The following CFAP20DC variants were observed in gnomAD, a reference collection of about 807,000 sequenced individuals.
CFAP20DC encodes the protein CFAP20 domain containing, also known as protein CFAP20DC.
Under a neutral mutation model 101.7 loss-of-function variants are expected in CFAP20DC, and 84 were observed. That is an observed-to-expected ratio of 0.83 (90% CI 0.69 to 0.99). The LOEUF is 0.99. CFAP20DC is among the 50% of genes least tolerant of loss of function. The pLI is 0.00. For missense variants in CFAP20DC, 1,007 were observed against 970.3 expected, an observed-to-expected ratio of 1.04 and a Z score of -0.50; for synonymous variants, 359 against 351.2, an observed-to-expected ratio of 1.02 and a Z score of -0.25.
chr3:58,941,251 C>T (rs1029956806), intron 4 of CFAP20DC, among the ~76,000 whole-genome samples: 1 of 147,448 alleles, frequency 6.8e-6, no homozygotes, highest in African/African-American at 2.5e-5. Flanking sequence ...ATCGCTTGAA[C>T]CCGGGAGGTG....
At chr3:59,037,041 C>T (rs2094117117) in intron 4 of CFAP20DC, among the ~76,000 whole-genome samples, 1 of 152,166 alleles carries the variant, frequency 6.6e-6, no homozygotes, top group Non-Finnish European at 1.5e-5. Context: ...AAAGGATTCC[C>T]TATTTAATAA....
rs1035432621 is a variant in CFAP20DC, at chr3:58,855,908, C to T, written c.1594-6499G>A. Among the ~76,000 whole-genome samples the T allele has an allele frequency of 8.7e-5, 13 of 150,084 alleles. No homozygotes were observed. The East Asian group carries it at 9.9e-4, about 11-fold the overall frequency. ...CTAGATGATGAGTTAGTGGGTGCAG[C>T]GCACCAGCATGGCACATGTATACAT... is the stretch of plus-strand genomic sequence containing the variant. On this transcript the variant is annotated intron_variant, in intron 12 of 16. Transcript: ENST00000482387.
chr3:59,016,061 A>T (rs190623776), intron 4 of CFAP20DC, among the ~76,000 whole-genome samples: 23 of 152,254 alleles, frequency 1.5e-4, no homozygotes, highest in African/African-American at 5.5e-4. Flanking sequence ...AGTGTATCAG[A>T]ATCACCTGAA....
chr3:58,737,048 A>C (rs2067772929), downstream of CFAP20DC: 1 of 351,298 alleles, frequency 2.8e-6, no homozygotes, highest in African/African-American at 2.2e-5. The surrounding 1 kb of genome is among the most constrained non-coding windows in gnomAD (Gnocchi z 4.1). Flanking sequence ...GTTATAAGTT[A>C]ACCATATTAC....
chr3:58,902,875 A>G (rs2083268284), intron 6 of CFAP20DC, among the ~76,000 whole-genome samples: 1 of 152,282 alleles, frequency 6.6e-6, no homozygotes, highest in African/African-American at 2.4e-5. Context: ...TATTTGTATT[A>G]CTTTTATTGT....
intron 4 of CFAP20DC, among the ~76,000 whole-genome samples, chr3:58,948,603 G>A (rs141931924): frequency 2.5e-4 from 38 of 152,256 alleles, no homozygotes; most frequent in African/African-American, 7.9e-4. Flanking sequence ...GGTTACTAGC[G>A]TTTGTTGAAC....
chr3:58,749,677 C>G (rs1303280447), intron 16 of CFAP20DC, among the ~76,000 whole-genome samples: 1 of 151,936 alleles, frequency 6.6e-6, no homozygotes, highest in Non-Finnish European at 1.5e-5. Context: ...TCTATGTAAA[C>G]TACAAGACAG....
chr3:58,819,668 A>C (rs1189743086), intron 14 of CFAP20DC, among the ~76,000 whole-genome samples: 1 of 145,316 alleles, frequency 6.9e-6, no homozygotes, highest in Admixed American at 6.8e-5. Flanking sequence ...CCAACCAAAA[A>C]GAGTCCAGGA....
chr3:59,023,363 C>T (rs2093838257), intron 4 of CFAP20DC, among the ~76,000 whole-genome samples: 1 of 152,010 alleles, frequency 6.6e-6, no homozygotes, highest in African/African-American at 2.4e-5. Context: ...ATTGTGAGAA[C>T]ACCGAGGAAA....
chr3:58,807,994 T>C (rs368821987), intron 14 of CFAP20DC, among the ~76,000 whole-genome samples: 8,372 of 151,922 alleles, frequency 0.055, 500 homozygotes, highest in East Asian at 0.35. Context: ...TGAAATGAAG[T>C]GAGATGGGAA....
At chr3:58,986,719 G>A (rs921875535) in intron 4 of CFAP20DC, among the ~76,000 whole-genome samples, 3 of 151,752 alleles carry the variant, frequency 2.0e-5, no homozygotes, top group African/African-American at 7.3e-5. Flanking sequence ...TTCTATGTCA[G>A]TAAAAGCCTT....
intron 15 of CFAP20DC, among the ~76,000 whole-genome samples, chr3:58,780,907 T>C (rs1331433406): frequency 6.6e-6 from 1 of 151,976 alleles, no homozygotes; most frequent in Non-Finnish European, 1.5e-5. Flanking sequence ...AAAAACCCAC[T>C]GGATTTGAAT....
chr3:58,909,575 A>C (rs1559806379), intron 6 of CFAP20DC, among the ~76,000 whole-genome samples: 2 of 152,106 alleles, frequency 1.3e-5, no homozygotes, highest in African/African-American at 2.4e-5. Flanking sequence ...TTTTCTCCTG[A>C]AAGTTTCCAT....
intron 15 of CFAP20DC, among the ~76,000 whole-genome samples, chr3:58,768,711 C>T (rs756329306): frequency 6.6e-6 from 1 of 152,182 alleles, no homozygotes; most frequent in South Asian, 2.1e-4. Context: ...GGTTCTATTG[C>T]CCCAGCATTT....
chr3:58,753,817 GT>G lies in CFAP20DC; in HGVS notation c.2283del (p.Gln761HisfsTer14). 6.2e-7 allele frequency: 1 copy of G among 1,612,890 alleles called. No individual in the cohort carries two copies. Among genetic ancestry groups the G allele is most frequent in the Non-Finnish European group, 8.5e-7 (1 of 1,179,400 alleles). On this transcript the variant is annotated frameshift_variant, in exon 16 of 17. Transcript: ENST00000482387. LOFTEE classifies it high-confidence loss of function. ...GAATCTGGACGCTGCTCAGCCGGCTGTTGACTGGGAGGAACGATTGGTGGGC... is the reference window on the plus strand; with the variant it reads ...GAATCTGGACGCTGCTCAGCCGGCTGTGACTGGGAGGAACGATTGGTGGGC... Reference protein sequence around the residue: ...MLSPPIVPPSQQPAEQRPDSC... With the variant: ...MLSPPIVPPSXQPAEQRPDSC...
chr3:58,753,770 T>C lies in CFAP20DC; in HGVS notation c.2331A>G (p.Gln777=), dbSNP rs749053529. 3 of 1,605,738 alleles carry C rather than the reference T, an allele frequency of 1.9e-6. No individual in the cohort carries two copies. The highest frequency in any genetic ancestry group is 2.2e-5 in the East Asian group (1 of 44,816). ...RPDSCESLSV[Q]GEEDLSVEED... ...GCATATCGTTTTTCATAGTCCCACC[T>C]TGAACACTCAAACTTTCACAGGAAT... is the stretch of plus-strand genomic sequence containing the variant. Residue 777 remains glutamine, a splice_region_variant and synonymous_variant, in exon 16 of 17, where the codon CAA becomes CAG. Coordinates refer to ENST00000482387, the MANE Select transcript of CFAP20DC (RefSeq NM_001394063.1).
At position 58,722,647 on chromosome 3, in the gene CFAP20DC, T is replaced by C. The variant is rs2067488952; in HGVS notation, c.198-5019A>G. On this transcript the variant is annotated intron_variant, in intron 3 of 3. Transcript: ENST00000486145. This position sits in a 1 kb window ranked among gnomAD's most constrained non-coding sequence, Gnocchi z 4.5. ...AACAGGTCACTCCCACAGTTCTCGT[T>C]TGCCTTTTCCCAGATGTGAAAGTTA... is the stretch of plus-strand genomic sequence containing the variant. Among the ~76,000 whole-genome samples, 1 of 152,196 alleles carries C rather than the reference T, an allele frequency of 6.6e-6. No homozygotes were observed. Among genetic ancestry groups the C allele is most frequent in the Admixed American group, 6.5e-5 (1 of 15,284 alleles).
At chr3:59,016,753 G>T (rs2093697688) in intron 4 of CFAP20DC, among the ~76,000 whole-genome samples, 1 of 152,068 alleles carries the variant, frequency 6.6e-6, no homozygotes, top group Non-Finnish European at 1.5e-5. Flanking sequence ...CTGGGGTGGG[G>T]CCTGAGAATC....
chr3:58,865,267 A>C (rs1467746185), intron 11 of CFAP20DC, among the ~76,000 whole-genome samples: 1 of 152,212 alleles, frequency 6.6e-6, no homozygotes, highest in Non-Finnish European at 1.5e-5. Flanking sequence ...TACAATGCAA[A>C]AGCAAAAGCA....
Sources: allele counts gnomAD v4.1 joint callset (sites outside exome capture counted in the v4.1 genomes callset), GRCh38; gene constraint gnomAD v4.1.1; non-coding constraint Gnocchi (gnomAD v3.1); transcripts MANE v1.5; gene names NCBI Gene and HGNC (gene_info 2026-07-23, HGNC 2026-07-21).